The following OXR1 variants were observed in gnomAD, a reference collection of about 807,000 sequenced individuals.
OXR1 encodes the protein oxidation resistance 1, also known as oxidation resistance protein 1.
OXR1 carries 41 observed loss-of-function variants against 104.6 expected under a neutral mutation model. The ratio of observed to expected loss-of-function variants is 0.39; its 90% CI spans 0.31 to 0.51. The LOEUF (loss-of-function observed/expected upper bound fraction) is 0.51. Ranked by LOEUF, OXR1 falls within the 20% of genes least tolerant of loss-of-function variation. The pLI is 0.77. For missense variants in OXR1, 955 were observed against 1,031.9 expected (o/e 0.93, Z 1.02); for synonymous variants, 348 against 348.4 (o/e 1.00, Z 0.01).
At chr8:106,749,467 G>A (rs1835693268) in intron 16 of OXR1, among the ~76,000 whole-genome samples, 1 of 152,012 alleles carries the variant, frequency 6.6e-6, no homozygotes, top group Non-Finnish European at 1.5e-5. Context: ...ATAGAGTTGT[G>A]TAAGTCTTTA....
intron 1 of OXR1, among the ~76,000 whole-genome samples, chr8:106,294,649 T>C (rs2130059021): frequency 6.6e-6 from 1 of 151,988 alleles, no homozygotes; most frequent in East Asian, 1.9e-4. Flanking sequence ...CACTTTTAAA[T>C]AACCAAATGT....
chr8:106,411,810 G>A (rs1015242645), intron 2 of OXR1, among the ~76,000 whole-genome samples: 4 of 152,030 alleles, frequency 2.6e-5, no homozygotes, highest in African/African-American at 9.7e-5. Context: ...ATATGGTGGG[G>A]GCCCCACCCA....
At chr8:106,568,049 A>G (rs1817209175) in intron 3 of OXR1, among the ~76,000 whole-genome samples, 1 of 152,166 alleles carries the variant, frequency 6.6e-6, no homozygotes. Context: ...GAGGAAATGG[A>G]AACACATTTC....
At chr8:106,293,431 T>G (rs748476801) in intron 1 of OXR1, among the ~76,000 whole-genome samples, 1 of 152,174 alleles carries the variant, frequency 6.6e-6, no homozygotes, top group Non-Finnish European at 1.5e-5. Context: ...CCAGTCCCAT[T>G]CTTGAAGAAT....
At chr8:106,457,189 T>G (rs1487811476) in intron 2 of OXR1, among the ~76,000 whole-genome samples, 1 of 152,160 alleles carries the variant, frequency 6.6e-6, no homozygotes, top group East Asian at 1.9e-4. Flanking sequence ...CACCTTTTAT[T>G]AAAAGATTAA....
At chr8:106,640,500 C>G (rs1388861276) in intron 3 of OXR1, among the ~76,000 whole-genome samples, 21 of 151,738 alleles carry the variant, frequency 1.4e-4, no homozygotes, top group Non-Finnish European at 8.8e-5. Context: ...GTATGGCGCT[C>G]TTTTTATTTT....
intron 2 of OXR1, among the ~76,000 whole-genome samples, chr8:106,433,550 C>T (rs1241532069): frequency 6.6e-6 from 1 of 152,156 alleles, no homozygotes; most frequent in African/African-American, 2.4e-5. Context: ...CAGAGTCAAA[C>T]CATGAACTGA....
At chr8:106,681,875 T>C (rs1828189605) in intron 4 of OXR1, among the ~76,000 whole-genome samples, 1 of 152,138 alleles carries the variant, frequency 6.6e-6, no homozygotes, top group African/African-American at 2.4e-5. Context: ...GTAATCACCT[T>C]CCCAAAAATT....
intron 3 of OXR1, among the ~76,000 whole-genome samples, chr8:106,534,856 T>C (rs1814364774): frequency 6.6e-6 from 1 of 152,216 alleles, no homozygotes. Flanking sequence ...TAGGGGGAAG[T>C]AATAGCTAAT....
chr8:106,523,591 T>A, intron 3 of OXR1, among the ~76,000 whole-genome samples: 1 of 152,180 alleles, frequency 6.6e-6, no homozygotes, highest in Non-Finnish European at 1.5e-5. Flanking sequence ...ACTAAGTTTA[T>A]TTCATAGTCC....
intron 1 of OXR1, among the ~76,000 whole-genome samples, chr8:106,341,199 A>C (rs1815232232): frequency 6.6e-6 from 1 of 152,128 alleles, no homozygotes; most frequent in Admixed American, 6.6e-5. Flanking sequence ...CTTGGGACTA[A>C]GGCTACTATT....
intron 2 of OXR1, among the ~76,000 whole-genome samples, chr8:106,402,466 TA>T (rs1231463885): frequency 6.6e-6 from 1 of 152,216 alleles, no homozygotes; most frequent in Non-Finnish European, 1.5e-5. Flanking sequence ...ATTCTGGAAC[TA>T]GGAAAATAAC....
At chr8:106,414,519 C>T (rs555012901) in intron 2 of OXR1, among the ~76,000 whole-genome samples, 6 of 152,208 alleles carry the variant, frequency 3.9e-5, no homozygotes, top group Admixed American at 1.3e-4. Flanking sequence ...ATCTATCTCT[C>T]CAGAAGCAGA....
intron 2 of OXR1, among the ~76,000 whole-genome samples, chr8:106,380,201 TATATCATAC>T (rs1302274837): frequency 9.2e-5 from 14 of 152,078 alleles, no homozygotes; most frequent in African/African-American, 3.4e-4. Context: ...TTAGATAAAT[TATATCATAC>T]ATATCATACA....
At chr8:106,436,015 A>G (rs1819550669) in intron 2 of OXR1, among the ~76,000 whole-genome samples, 1 of 152,112 alleles carries the variant, frequency 6.6e-6, no homozygotes, top group South Asian at 2.1e-4. Flanking sequence ...CTTTTTTGAA[A>G]TCCACTTCAC....
chr8:106,466,608 A>C (rs946475127), intron 2 of OXR1, among the ~76,000 whole-genome samples: 1 of 150,994 alleles, frequency 6.6e-6, no homozygotes, highest in African/African-American at 2.4e-5. Context: ...CTTCCCCCCC[A>C]GAAGAAATAC....
At chr8:106,313,149 T>C (rs1028049081) in intron 1 of OXR1, among the ~76,000 whole-genome samples, 1 of 152,176 alleles carries the variant, frequency 6.6e-6, no homozygotes, top group Admixed American at 6.6e-5. Context: ...CACAATGATA[T>C]GTGAATCATT....
In OXR1 at chr8:106,568,467, C is replaced by T. The variant is rs527243108; in HGVS notation, c.220+49328C>T. ...CTACAATTCTGGAGAATGTACTAGA[C>T]GGATGATAAAATATAGATGAGAATT... On this transcript the variant is annotated intron_variant, in intron 3 of 16. Coordinates refer to ENST00000517566, the MANE Select transcript of OXR1 (RefSeq NM_001198533.2). Among the ~76,000 whole-genome samples, 309 of 152,152 alleles carry T rather than the reference C, an allele frequency of 2.0e-3. 1 individual carries two copies. The highest frequency in any genetic ancestry group is 3.4e-3 in the Non-Finnish European group (228 of 67,962).
intron 1 of OXR1, among the ~76,000 whole-genome samples, chr8:106,307,464 C>T (rs995293020): frequency 6.6e-6 from 1 of 152,164 alleles, no homozygotes; most frequent in African/African-American, 2.4e-5. Flanking sequence ...ATGTGTCTTA[C>T]TCTGTTTCAT....
Sources: gnomAD v4.1 joint callset for allele counts (sites outside exome capture counted in the v4.1 genomes callset) on GRCh38, gnomAD v4.1.1 for gene constraint, MANE v1.5 for transcripts, NCBI Gene and HGNC (gene_info 2026-07-23, HGNC 2026-07-21) for gene names.